The following TTPAL variants were observed in gnomAD, a reference collection of about 807,000 sequenced individuals.
The protein encoded by TTPAL is alpha-tocopherol transfer protein-like.
A neutral mutation model predicts 28.7 loss-of-function variants in TTPAL; 21 were observed. That is an observed-to-expected ratio of 0.73 (90% CI 0.52 to 1.06). The LOEUF (loss-of-function observed/expected upper bound fraction) is 1.06, where lower values mean the gene tolerates loss of function less well. Ranked by LOEUF, TTPAL falls within the 50% of genes least tolerant of loss-of-function variation. The pLI is 0.00. For missense variants in TTPAL, 345 were observed against 425.5 expected, an observed-to-expected ratio of 0.81 and a Z score of 1.67; for synonymous variants, 169 against 171.9, an observed-to-expected ratio of 0.98 and a Z score of 0.13.
Position 44,490,752 on chromosome 20 carries a change from G to T in TTPAL, c.*1211G>T, listed in dbSNP as rs1377521335. The T allele has an allele frequency of 1.3e-5, 2 of 152,172 alleles. No individual in the cohort carries two copies. The highest frequency in any genetic ancestry group is 2.4e-5 in the African/African-American group (1 of 41,384). 9.4% of individuals were successfully genotyped at this position (152,172 alleles called of 1,614,324 possible). A position where few individuals can be genotyped will look rare whatever the true frequency, so the allele number is the denominator to read the frequency against. On this transcript the variant is annotated 3_prime_UTR_variant, in exon 5 of 5. Transcript: ENST00000262605. ...ACTCTGGTACTATATTGTAAACCTGGCTACAGTAGTTAATTACTTGAGATT... is the reference window on the plus strand; with the variant it reads ...ACTCTGGTACTATATTGTAAACCTGTCTACAGTAGTTAATTACTTGAGATT...
chr20:44,485,026 T>A (rs776559270), intron 3 of TTPAL, among the ~76,000 whole-genome samples: 65 of 152,046 alleles, frequency 4.3e-4, no homozygotes, highest in Non-Finnish European at 6.9e-4. Context: ...GGCAGGAGAA[T>A]CATTTGAACC....
At position 44,480,409 on chromosome 20, in the gene TTPAL, ACCC is replaced by A. The variant is rs1214115293; in HGVS notation, c.412_414del (p.Pro138del). 2 of 1,609,528 alleles carry A rather than the reference ACCC, an allele frequency of 1.2e-6. No individual in the cohort carries two copies. Among genetic ancestry groups the A allele is most frequent in the South Asian group, 2.2e-5 (2 of 90,886 alleles). On this transcript the variant is annotated inframe_deletion, in exon 2 of 5. Transcript: ENST00000262605. This position sits in a 1 kb window ranked among gnomAD's most constrained non-coding sequence, Gnocchi z 4.1. Reference sequence around the variant, plus strand: ...TTCCTCACCGTGCTGCCCCACACTGACCCCAGGGGCTGCCATGTCGTCTGCATC... The same window carrying A: ...TTCCTCACCGTGCTGCCCCACACTGACAGGGGCTGCCATGTCGTCTGCATC...
chr20:44,488,439 G>A (rs899250554), intron 4 of TTPAL, among the ~76,000 whole-genome samples: 1 of 152,056 alleles, frequency 6.6e-6, no homozygotes, highest in Non-Finnish European at 1.5e-5. Context: ...TCAACTCTAT[G>A]TACAAGCATG....
Position 44,489,303 on chromosome 20 carries a change from A to C in TTPAL, c.791A>C (p.Asn264Thr). Residue 264 changes from asparagine to threonine, a missense_variant, in exon 5 of 5, where the codon AAC becomes ACC. By Grantham distance (65) the Asn-to-Thr change is moderately conservative. Coordinates refer to ENST00000262605, the MANE Select transcript of TTPAL (RefSeq NM_001039199.3). ...HGSDLNSLHT[N>T]LPRSILPKEY... ...TCTGACTTGAACTCTCTCCACACAA[A>C]CCTTCCAAGAAGCATCCTCCCCAAG... The C allele has an allele frequency of 1.2e-6, 2 of 1,614,072 alleles. No individual in the cohort carries two copies. Among genetic ancestry groups the C allele is most frequent in the Non-Finnish European group, 1.7e-6 (2 of 1,180,008 alleles).
rs879806410 is a variant in TTPAL at position 44,489,849 on chromosome 20, T to TA, written c.*309dup. 4.0e-5 allele frequency: 12 copies of TA among 301,682 alleles called. No homozygotes were observed. Among genetic ancestry groups the TA allele is most frequent in the Non-Finnish European group, 6.8e-5 (11 of 161,210 alleles). The allele number at this position is 301,682 out of a possible 1,614,324, so 18.7% of individuals were successfully genotyped here. The stretch of plus-strand genomic sequence containing the variant: ...GGTTGGGGGGTGGTGATCTGGTTCT[T>TA]ACACATCTTGGAAGCAAGAACAATC... On this transcript the variant is annotated 3_prime_UTR_variant, in exon 5 of 5. Transcript: ENST00000262605.
chr20:44,489,907 GGAGAAAAACCACCTGTTTGGCCAGT>G lies in TTPAL; in HGVS notation c.*372_*396del. ...AAGTCACTTTGATCCCACTTTTCCA[GGAGAAAAACCACCTGTTTGGCCAGT>G]GAGAACTACTTGTATGAAATAATTT... On this transcript the variant is annotated 3_prime_UTR_variant, in exon 5 of 5. Transcript: ENST00000262605. 4.7e-6 allele frequency: 1 copy of G among 212,634 alleles called. No homozygotes were observed. The highest frequency in any genetic ancestry group is 8.4e-5 in the South Asian group (1 of 11,886). 13.2% of individuals were successfully genotyped at this position (212,634 alleles called of 1,614,324 possible). A position where few individuals can be genotyped will look rare whatever the true frequency, so the allele number is the denominator to read the frequency against.
At chr20:44,478,132 A>G (rs528265510) in intron 1 of TTPAL, among the ~76,000 whole-genome samples, 9 of 152,310 alleles carry the variant, frequency 5.9e-5, no homozygotes, top group Admixed American at 5.9e-4. Flanking sequence ...CTTAAACAAA[A>G]AAGTGCATGA....
At chr20:44,477,651 T>C (rs1281785330) in intron 1 of TTPAL, among the ~76,000 whole-genome samples, 2 of 151,672 alleles carry the variant, frequency 1.3e-5, no homozygotes, top group Non-Finnish European at 2.9e-5. Context: ...ATCTATTTAT[T>C]TATTTATTTA....
chr20:44,489,407 A>G lies in TTPAL; in HGVS notation c.895A>G (p.Lys299Glu). 1.9e-6 allele frequency: 3 copies of G among 1,614,134 alleles called. No individual in the cohort carries two copies. Among genetic ancestry groups the G allele is most frequent in the Non-Finnish European group, 2.5e-6 (3 of 1,180,002 alleles). Residue 299 changes from lysine to glutamate, a missense_variant, in exon 5 of 5, where the codon AAA becomes GAA. Coordinates refer to ENST00000262605, the MANE Select transcript of TTPAL (RefSeq NM_001039199.3). ...GCTGGCTTCAGAAGACGATTTTGTG[A>G]AAGAGTTCTGCCAACCTGTTCCTGC... ...VLLASEDDFV[K>E]EFCQPVPACD...
intron 1 of TTPAL, among the ~76,000 whole-genome samples, chr20:44,476,511 C>T (rs1038062211): frequency 5.3e-5 from 8 of 152,186 alleles, no homozygotes; most frequent in Non-Finnish European, 1.0e-4. Flanking sequence ...CTATATCCTC[C>T]GCTGATGTGT....
At chr20:44,479,402 T>G (rs1367201248) in intron 1 of TTPAL, among the ~76,000 whole-genome samples, 3 of 71,492 alleles carry the variant, frequency 4.2e-5, no homozygotes, top group African/African-American at 7.3e-5. Flanking sequence ...CTGAGTTGTT[T>G]TTTTTTTTTT....
At chr20:44,481,217 G>A (rs1226949618) in intron 2 of TTPAL, among the ~76,000 whole-genome samples, 3 of 152,088 alleles carry the variant, frequency 2.0e-5, no homozygotes, top group Non-Finnish European at 2.9e-5. Context: ...GGTGGTTTAC[G>A]AATGGGGGCT....
At chr20:44,476,507 C>T (rs1486809687) in intron 1 of TTPAL, among the ~76,000 whole-genome samples, 18 of 152,192 alleles carry the variant, frequency 1.2e-4, no homozygotes, top group Admixed American at 1.2e-3. Context: ...TAACCTATAT[C>T]CTCCGCTGAT....
intron 4 of TTPAL, among the ~76,000 whole-genome samples, chr20:44,487,772 G>C (rs1448876196): frequency 6.6e-6 from 1 of 151,954 alleles, no homozygotes; most frequent in Non-Finnish European, 1.5e-5. Context: ...AATTTTACTT[G>C]CTTTTTCTTT....
chr20:44,480,443 A>G lies in TTPAL; in HGVS notation c.444A>G (p.Pro148=), dbSNP rs2064093656. The G allele has an allele frequency of 4.4e-6, 7 of 1,595,920 alleles. No individual in the cohort carries two copies. The East Asian group carries it at 1.6e-4, about 36-fold the overall frequency. ...PRGCHVVCIR[P]DRWIPSNYPI... ...GCTGCCATGTCGTCTGCATCCGCCC[A>G]GGTATCTCCCTAGACTGTTGTGGGG... The change falls in exon 2 of 5, where the codon CCA becomes CCG. Residue 148 remains proline, a splice_region_variant and synonymous_variant. Transcript: ENST00000262605. The surrounding 1 kb of genome is among the most constrained non-coding windows in gnomAD (Gnocchi z 4.1).
rs1279166037 is a variant in TTPAL at position 44,484,542 on chromosome 20, A to G, written c.639+12A>G. The G allele has an allele frequency of 1.3e-6, 2 of 1,543,060 alleles. No homozygotes were observed. Among genetic ancestry groups the G allele is most frequent in the Non-Finnish European group, 1.8e-6 (2 of 1,127,812 alleles). On this transcript the variant is annotated intron_variant, in intron 3 of 4. Transcript: ENST00000262605. ...TTGGCATCCTCCAGGTAAGACCCGT[A>G]TGTGTCCTGCCTGTTTCGTGGTGGC...
rs1204550916 is a variant in TTPAL at position 44,482,270 on chromosome 20, A to C, written c.445+1826A>C. ...ACGAGAATTTTGCACATATCAGGTC[A>C]GGTGTGGTGGCTCATGCCTGTAATC... On this transcript the variant is annotated intron_variant, in intron 2 of 4. Transcript: ENST00000262605. Among the ~76,000 whole-genome samples, 4 of 152,132 alleles carry C rather than the reference A, an allele frequency of 2.6e-5. No homozygotes were observed. The East Asian group carries it at 7.7e-4, about 29-fold the overall frequency.
At chr20:44,478,717 G>A (rs1423575999) in intron 1 of TTPAL, 3 of 152,192 alleles carry the variant, frequency 2.0e-5, no homozygotes, top group East Asian at 3.8e-4. Context: ...GTTTAAAAAC[G>A]TGATTTTCTG....
chr20:44,478,594 CTT>C (rs931392869), intron 1 of TTPAL: 2 of 152,236 alleles, frequency 1.3e-5, no homozygotes, highest in African/African-American at 2.4e-5. Context: ...TAAAAATCCT[CTT>C]TCTCATCTTA....
Sources: allele counts gnomAD v4.1 joint callset (sites outside exome capture counted in the v4.1 genomes callset), GRCh38; gene constraint gnomAD v4.1.1; non-coding constraint Gnocchi (gnomAD v3.1); transcripts MANE v1.5; gene names NCBI Gene and HGNC (gene_info 2026-07-23, HGNC 2026-07-21).